Variants in KRT222 observed in about 807,000 individuals in gnomAD.
KRT222 encodes the protein keratin 222.
A neutral mutation model predicts 35.0 loss-of-function variants in KRT222; 23 were observed. The ratio of observed to expected loss-of-function variants is 0.66; its 90% CI spans 0.47 to 0.93. The LOEUF is 0.93. Ranked by LOEUF, KRT222 falls within the 40% of genes least tolerant of loss-of-function variation. The probability of loss-of-function intolerance (pLI) is 0.00; values close to 1 mark genes in which losing one functional copy is unlikely to be tolerated. For missense variants in KRT222, 339 were observed against 346.3 expected (o/e 0.98, Z 0.17); for synonymous variants, 108 against 118.8 (o/e 0.91, Z 0.59).
chr17:40,657,204 C>T lies in KRT222; in HGVS notation c.659+148G>A, dbSNP rs1327728097. 10 of 468,024 alleles carry T rather than the reference C, an allele frequency of 2.1e-5. No individual in the cohort carries two copies. In the East Asian group the frequency reaches 4.2e-4, roughly 20 times the overall value. 29.0% of individuals were successfully genotyped at this position (468,024 alleles called of 1,614,324 possible). The stretch of plus-strand genomic sequence containing the variant: ...TCCACCCTGGCGACAGAGCAAGACT[C>T]AATCTCAAAAAAAAAAAAAAAAATC... On this transcript the variant is annotated intron_variant, in intron 5 of 5. Coordinates refer to ENST00000394052, the MANE Select transcript of KRT222 (RefSeq NM_152349.3).
chr17:40,662,063 G>A lies in KRT222; in HGVS notation c.97-19C>T. Reference sequence around the variant, plus strand: ...CTTCTAGCTAACAAGAAAGCCAACAGCAACAATAACAAACAAAAAACAAGG... The same window carrying A: ...CTTCTAGCTAACAAGAAAGCCAACAACAACAATAACAAACAAAAAACAAGG... On this transcript the variant is annotated intron_variant, in intron 1 of 5. Coordinates refer to ENST00000394052, the MANE Select transcript of KRT222 (RefSeq NM_152349.3). 1.2e-6 allele frequency: 2 copies of A among 1,608,236 alleles called. No individual in the cohort carries two copies. The highest frequency in any genetic ancestry group is 1.7e-6 in the Non-Finnish European group (2 of 1,178,204).
At chr17:40,657,564 C>G in intron 4 of KRT222, 77 bp from the exon 5 acceptor site, 4 of 1,424,546 alleles carry the variant, frequency 2.8e-6, no homozygotes, top group Non-Finnish European at 3.7e-6. Context: ...AACTTTTATT[C>G]AAATATTGCT....
chr17:40,662,391 G>A (rs1407967975), intron 1 of KRT222, among the ~76,000 whole-genome samples: 7 of 152,174 alleles, frequency 4.6e-5, no homozygotes, highest in Admixed American at 2.6e-4. Context: ...ATCACTAGGA[G>A]GAAGGATTGA....
intron 2 of KRT222, 43 bp downstream of exon 2, chr17:40,661,873 T>A (rs762993443): frequency 6.2e-7 from 1 of 1,600,366 alleles, no homozygotes; most frequent in Admixed American, 1.7e-5. Flanking sequence ...TCAAATCACA[T>A]CTGAGGACTC....
chr17:40,659,872 A>G, intron 3 of KRT222, 115 bp downstream of exon 3: 1 of 819,708 alleles, frequency 1.2e-6, no homozygotes, highest in Non-Finnish European at 2.1e-6. Flanking sequence ...GGGCTCAGTG[A>G]GTACACCATG....
intron 1 of KRT222, among the ~76,000 whole-genome samples, chr17:40,664,332 CTT>C (rs1466442167): frequency 6.6e-6 from 1 of 152,130 alleles, no homozygotes; most frequent in Non-Finnish European, 1.5e-5. Flanking sequence ...AGTAGGCTCT[CTT>C]TCTCTTTTTT....
intron 5 of KRT222, 45 bp from the exon 6 acceptor site, chr17:40,656,675 C>T: frequency 9.3e-7 from 1 of 1,077,032 alleles, no homozygotes; most frequent in Non-Finnish European, 1.4e-6. Context: ...AAGTATGGGT[C>T]TATTAAAAAT....
rs770977972 is a variant in KRT222, at chr17:40,657,438, CT to C, written c.572del (p.Glu191GlyfsTer5). The C allele has an allele frequency of 1.9e-6, 3 of 1,609,746 alleles. No individual in the cohort carries two copies. Among genetic ancestry groups the C allele is most frequent in the Non-Finnish European group, 2.5e-6 (3 of 1,178,122 alleles). ...SFTTKVPQKYENENVETVTKQ... is the reference protein window; with the variant it reads ...SFTTKVPQKYXNENVETVTKQ... ...TGGTTACTGTTTCTACATTTTCATTCTCATACTTTTGTGGGACTTTTGTAGT... is the reference window on the plus strand; with the variant it reads ...TGGTTACTGTTTCTACATTTTCATTCCATACTTTTGTGGGACTTTTGTAGT... On this transcript the variant is annotated frameshift_variant, in exon 5 of 6. Coordinates refer to ENST00000394052, the MANE Select transcript of KRT222 (RefSeq NM_152349.3). LOFTEE classifies it high-confidence loss of function.
At chr17:40,656,842 T>G (rs2144029061) in intron 5 of KRT222, among the ~76,000 whole-genome samples, 1 of 152,246 alleles carries the variant, frequency 6.6e-6, no homozygotes, top group Middle Eastern at 3.4e-3. Flanking sequence ...TTGGGTTGTA[T>G]TTTTGGAAAA....
intron 2 of KRT222, among the ~76,000 whole-genome samples, chr17:40,660,489 C>T (rs1567853486): frequency 6.6e-6 from 1 of 151,930 alleles, no homozygotes; most frequent in Non-Finnish European, 1.5e-5. Context: ...TCATGTTGGC[C>T]AGGCTGGTCT....
At position 40,654,865 on chromosome 17, in the gene KRT222, C is replaced by G. The variant is rs923901948; in HGVS notation, c.*1537G>C. 6.6e-6 allele frequency: 1 copy of G among 151,376 alleles called. No individual in the cohort carries two copies. The highest frequency in any genetic ancestry group is 6.6e-5 in the Admixed American group (1 of 15,186). The allele number at this position is 151,376 out of a possible 1,614,324, so 9.4% of individuals were successfully genotyped here. A position where few individuals can be genotyped will look rare whatever the true frequency, so the allele number is the denominator to read the frequency against. ...TAAGCACTTAACATGCTGTTATATCCTTGACAAAACAAAATCATCCCTTTT... is the reference window on the plus strand; with the variant it reads ...TAAGCACTTAACATGCTGTTATATCGTTGACAAAACAAAATCATCCCTTTT... On this transcript the variant is annotated 3_prime_UTR_variant, in exon 6 of 6. Transcript: ENST00000394052.
chr17:40,661,879 G>T, intron 2 of KRT222, 37 bp downstream of exon 2: 2 of 1,603,110 alleles, frequency 1.2e-6, no homozygotes, highest in Non-Finnish European at 1.7e-6. Flanking sequence ...CACATCTGAG[G>T]ACTCGATGGG....
chr17:40,662,548 G>T (rs1190724463), intron 1 of KRT222, among the ~76,000 whole-genome samples: 2 of 152,136 alleles, frequency 1.3e-5, no homozygotes, highest in African/African-American at 4.8e-5. Flanking sequence ...GTAATTTAGA[G>T]AATTAAGTTG....
Position 40,660,070 on chromosome 17 carries a change from C to A in KRT222, c.363G>T (p.Glu121Asp). 1 of 1,614,162 alleles carries A rather than the reference C, an allele frequency of 6.2e-7. No individual in the cohort carries two copies. Among genetic ancestry groups the A allele is most frequent in the Non-Finnish European group, 8.5e-7 (1 of 1,180,038 alleles). ...VRRGIEKQLQEHEMLLNTKMR... is the reference protein window; with the variant it reads ...VRRGIEKQLQDHEMLLNTKMR... ...TCTTCGTGTTGAGAAGCATCTCGTG[C>A]TCTTGAAGCTGCTTTTCGATGCCGC... Residue 121 changes from glutamate (E) to aspartate (D), a missense_variant, in exon 3 of 6, where the codon GAG becomes GAT. Physicochemically the swap from Glu to Asp is conservative, Grantham distance 45. Transcript: ENST00000394052.
At chr17:40,659,064 TA>T (rs1273226733) in intron 3 of KRT222, among the ~76,000 whole-genome samples, 3 of 152,076 alleles carry the variant, frequency 2.0e-5, no homozygotes. Flanking sequence ...AGGCTTTTGT[TA>T]TGGGTGATCC....
chr17:40,657,053 A>G (rs904375308), intron 5 of KRT222, among the ~76,000 whole-genome samples: 1 of 152,036 alleles, frequency 6.6e-6, no homozygotes, highest in African/African-American at 2.4e-5. Context: ...CTAAAAATAC[A>G]AAGAAAAACC....
Position 40,662,036 on chromosome 17 carries a change from T to G in KRT222, c.105A>C (p.Glu35Asp). The part of the protein sequence containing the change: ...TVLSTRIQLE[E>D]DISKKMDKDE... The stretch of plus-strand genomic sequence containing the variant: ...CTTTGTCCATTTTTTTGCTTATGTC[T>G]TCTTCTAGCTAACAAGAAAGCCAAC... Residue 35 changes from glutamate to aspartate, a missense_variant, in exon 2 of 6, where the codon GAA becomes GAC. Glu to Asp is a conservative substitution (Grantham distance 45). Coordinates refer to ENST00000394052, the MANE Select transcript of KRT222 (RefSeq NM_152349.3). The G allele has an allele frequency of 6.2e-7, 1 of 1,613,044 alleles. No homozygotes were observed. The highest frequency in any genetic ancestry group is 1.1e-5 in the South Asian group (1 of 90,692).
chr17:40,655,360 T>C lies in KRT222; in HGVS notation c.*1042A>G, dbSNP rs1199585583. The C allele has an allele frequency of 6.6e-6, 1 of 152,076 alleles. No individual in the cohort carries two copies. Among genetic ancestry groups the C allele is most frequent in the Non-Finnish European group, 1.5e-5 (1 of 67,944 alleles). The allele number at this position is 152,076 out of a possible 1,614,324, so 9.4% of individuals were successfully genotyped here. On this transcript the variant is annotated 3_prime_UTR_variant, in exon 6 of 6. Transcript: ENST00000394052. ...CAACAATACCTCACTTATTCACAAA[T>C]ATATTTTCTACCCATATTTATTACA...
At chr17:40,661,644 C>A (rs902401766) in intron 2 of KRT222, among the ~76,000 whole-genome samples, 3 of 152,166 alleles carry the variant, frequency 2.0e-5, no homozygotes, top group Non-Finnish European at 2.9e-5. Context: ...AACGAATGCT[C>A]TATTCCCTAT....
Sources: allele counts gnomAD v4.1 joint callset (sites outside exome capture counted in the v4.1 genomes callset), GRCh38; gene constraint gnomAD v4.1.1; transcripts MANE v1.5; gene names NCBI Gene and HGNC (gene_info 2026-07-23, HGNC 2026-07-21).